Variants in SKIDA1 observed in about 807,000 individuals in gnomAD.
SKIDA1 encodes SKI/DACH domain-containing protein 1.
Under a neutral mutation model 51.4 loss-of-function variants are expected in SKIDA1, and 18 were observed. That is an observed-to-expected ratio of 0.35 (90% CI 0.24 to 0.52). The LOEUF (loss-of-function observed/expected upper bound fraction) is 0.52. SKIDA1 is among the 20% of genes least tolerant of loss of function. The pLI is 0.95. For missense variants in SKIDA1, 1,104 were observed against 1,180.6 expected, an observed-to-expected ratio of 0.94 and a Z score of 0.95; for synonymous variants, 579 against 500.5, an observed-to-expected ratio of 1.16 and a Z score of -2.09.
chr10:21,516,896 C>CGAAAATAAGCAGG lies in SKIDA1; in HGVS notation c.926_927insCCTGCTTATTTTC (p.Ala310LeufsTer133). On this transcript the variant is annotated frameshift_variant, in exon 4 of 4. Transcript: ENST00000449193. LOFTEE classifies it high-confidence loss of function. The surrounding 1 kb of genome is among the most constrained non-coding windows in gnomAD (Gnocchi z 5.7). ...CGGCGGCCGCCGCCGCCGCTGCCGC[C>CGAAAATAAGCAGG]GCCGCCGCCGCCGCCGCCGCCTTGG... The CGAAAATAAGCAGG allele has an allele frequency of 8.8e-7, 1 of 1,140,388 alleles. No homozygotes were observed. 70.6% of individuals were successfully genotyped at this position (1,140,388 alleles called of 1,614,324 possible). A position where few individuals can be genotyped will look rare whatever the true frequency, so the allele number is the denominator to read the frequency against.
rs71393903 is a variant in SKIDA1 at position 21,514,213 on chromosome 10, C to CAAAAAAAAAAAAAAAAAAAAAAAAAAAAA, written c.*882_*883insTTTTTTTTTTTTTTTTTTTTTTTTTTTTT. ...CTGGGCGACACAGCGAGACTCTCTC[C>CAAAAAAAAAAAAAAAAAAAAAAAAAAAAA]AAAAAAAAAAAAAAAAAAAAAAAGA... On this transcript the variant is annotated 3_prime_UTR_variant, in exon 4 of 4. Transcript: ENST00000449193. 1 of 60,174 alleles carries CAAAAAAAAAAAAAAAAAAAAAAAAAAAAA rather than the reference C, an allele frequency of 1.7e-5. No individual in the cohort carries two copies. The highest frequency in any genetic ancestry group is 2.8e-5 in the Non-Finnish European group (1 of 35,240). The allele number at this position is 60,174 out of a possible 1,614,324, so 3.7% of individuals were successfully genotyped here.
At chr10:21,523,970 ACAT>A (rs1469287932) in intron 1 of SKIDA1, 99 bp from the exon 2 acceptor site, 3 of 152,130 alleles carry the variant, frequency 2.0e-5, no homozygotes, top group African/African-American at 7.2e-5. Context: ...TCAGCAAATC[ACAT>A]CATAATCAGA....
In SKIDA1 at chr10:21,515,996, G is replaced by A. The variant is rs756445923; in HGVS notation, c.1827C>T (p.His609=). Residue 609 remains histidine (H), a synonymous_variant, in exon 4 of 4, where the codon CAC becomes CAT. Transcript: ENST00000449193. ...CAGCTATTGTGTTGTTATCTGCACA[G>A]TGTGTAGTAGGAGTTGTTTGTAGGC... The part of the protein sequence containing the change: ...RKCLQTTPTT[H]CADNNTIAAR... 6.2e-7 allele frequency: 1 copy of A among 1,614,058 alleles called. No individual in the cohort carries two copies. Among genetic ancestry groups the A allele is most frequent in the Non-Finnish European group, 8.5e-7 (1 of 1,179,900 alleles).
At chr10:21,523,977 A>C (rs532454626) in intron 1 of SKIDA1, 106 bp from the exon 2 acceptor site, 6 of 152,320 alleles carry the variant, frequency 3.9e-5, no homozygotes, top group Non-Finnish European at 5.9e-5. Flanking sequence ...ATCACATCAT[A>C]ATCAGATTTG....
In SKIDA1 at chr10:21,517,227, G is replaced by A. The variant is rs1441324591; in HGVS notation, c.596C>T (p.Pro199Leu). 6 of 1,461,080 alleles carry A rather than the reference G, an allele frequency of 4.1e-6. No individual in the cohort carries two copies. The highest frequency in any genetic ancestry group is 1.5e-5 in the African/African-American group (1 of 67,830). 90.5% of individuals were successfully genotyped at this position (1,461,080 alleles called of 1,614,324 possible). The part of the protein sequence containing the change: ...CKPPLNYETA[P>L]LQGNYVAFPS... ...GAAGGCGACGTAGTTTCCCTGGAGC[G>A]GGGCAGTTTCATAGTTTAGAGGGGG... Residue 199 changes from proline (P) to leucine (L), a missense_variant, in exon 4 of 4, where the codon CCG (proline) becomes CTG (leucine). Pro to Leu is a moderately conservative substitution (Grantham distance 98). This residue lies in a region of SKIDA1 where 938 missense variants were observed against 886.4 expected (regional missense o/e 1.06). Transcript: ENST00000449193. This position sits in a 1 kb window ranked among gnomAD's most constrained non-coding sequence, Gnocchi z 6.9.
rs766732030 is a variant in SKIDA1, at chr10:21,516,091, C to G, written c.1732G>C (p.Ala578Pro). 1 of 1,614,008 alleles carries G rather than the reference C, an allele frequency of 6.2e-7. No homozygotes were observed. Among genetic ancestry groups the G allele is most frequent in the Admixed American group, 1.7e-5 (1 of 60,018 alleles). ...TTTGTCTTTGGGCTAGGTGAAGAGG[C>G]CCCCTCTGCCAGGCAGTTAATTGTC... The part of the protein sequence containing the change: ...DLTINCLAEG[A>P]SSPSPKTNNA... The change falls in exon 4 of 4, where the codon GCC becomes CCC. Residue 578 changes from alanine (A) to proline (P), a missense_variant. By Grantham distance (27) the Ala-to-Pro change is conservative. Coordinates refer to ENST00000449193, the MANE Select transcript of SKIDA1 (RefSeq NM_207371.4). The surrounding 1 kb of genome is among the most constrained non-coding windows in gnomAD (Gnocchi z 5.7).
chr10:21,525,312 A>G (rs1003977677), intron 1 of SKIDA1, among the ~76,000 whole-genome samples: 7 of 152,196 alleles, frequency 4.6e-5, no homozygotes, highest in African/African-American at 1.7e-4. Context: ...CTGGGAAAGG[A>G]GAGGGATTCG....
rs1395427058 is a variant in SKIDA1, at chr10:21,517,136, G to A, written c.687C>T (p.Ala229=). 6.5e-6 allele frequency: 8 copies of A among 1,235,704 alleles called. No homozygotes were observed. The highest frequency in any genetic ancestry group is 7.1e-6 in the Non-Finnish European group (7 of 981,884). 76.5% of individuals were successfully genotyped at this position (1,235,704 alleles called of 1,614,324 possible). Reference sequence around the variant, plus strand: ...CGGCGGCGGCAGCAGCGGCGGCGGCGGCGGCGGCGGCGGCTGCCGGGTGTT... The same window carrying A: ...CGGCGGCGGCAGCAGCGGCGGCGGCAGCGGCGGCGGCGGCTGCCGGGTGTT... ...CSKHPAAAAA[A]AAAAAAAAAA... is the part of the protein sequence containing the mutation. Residue 229 remains alanine, a synonymous_variant, in exon 4 of 4, where the codon GCC becomes GCT. Transcript: ENST00000449193. The surrounding 1 kb of genome is among the most constrained non-coding windows in gnomAD (Gnocchi z 6.9).
rs1451276474 is a variant in SKIDA1 at position 21,515,566 on chromosome 10, G to C, written c.2257C>G (p.Gln753Glu). 3 of 1,613,886 alleles carry C rather than the reference G, an allele frequency of 1.9e-6. No individual in the cohort carries two copies. In the African/African-American group the frequency reaches 4.0e-5, roughly 22 times the overall value. ...KETPSLNPLA[Q>E]SQGLSCTLGS... Reference sequence around the variant, plus strand: ...AAAGTGCATGAAAGGCCCTGACTTTGAGCCAGTGGATTTAAGGAAGGAGTT... The same window carrying C: ...AAAGTGCATGAAAGGCCCTGACTTTCAGCCAGTGGATTTAAGGAAGGAGTT... The change falls in exon 4 of 4, where the codon CAA becomes GAA. Residue 753 changes from glutamine to glutamate, a missense_variant. Gln to Glu is a conservative substitution (Grantham distance 29, BLOSUM62 2). Coordinates refer to ENST00000449193, the MANE Select transcript of SKIDA1 (RefSeq NM_207371.4).
In SKIDA1 at chr10:21,515,936, T is replaced by G. The variant is rs1473903776; in HGVS notation, c.1887A>C (p.Glu629Asp). ...RFLNNDSSGA[E>D]ANSEKYSKIL... ...TTTTGGAATATTTTTCTGAATTTGC[T>G]TCTGCTCCTGAAGAATCATTATTTA... The change falls in exon 4 of 4, where the codon GAA becomes GAC. Residue 629 changes from glutamate to aspartate, a missense_variant. By Grantham distance (45) the Glu-to-Asp change is conservative. Around this residue, in one of 3 missense-constraint regions of SKIDA1, gnomAD observed 938 missense variants for 886.4 expected, o/e 1.06. Transcript: ENST00000449193. 1 of 1,614,062 alleles carries G rather than the reference T, an allele frequency of 6.2e-7. No homozygotes were observed. The highest frequency in any genetic ancestry group is 8.5e-7 in the Non-Finnish European group (1 of 1,179,894).
rs2131275515 is a variant in SKIDA1 at position 21,521,384 on chromosome 10, C to T, written c.-1837+5G>A. The stretch of plus-strand genomic sequence containing the variant: ...ATGCTTAAAGTTATGCAATAATTTA[C>T]TTACTTTGCCTGATGTGCAGATCCA... On this transcript the variant is annotated splice_donor_5th_base_variant and intron_variant, in intron 3 of 3. Transcript: ENST00000449193. The T allele has an allele frequency of 6.5e-6, 1 of 152,744 alleles. No individual in the cohort carries two copies. The highest frequency in any genetic ancestry group is 6.5e-5 in the Admixed American group (1 of 15,300). The allele number at this position is 152,744 out of a possible 1,614,324, so 9.5% of individuals were successfully genotyped here.
Position 21,515,409 on chromosome 10 carries a change from C to A in SKIDA1, c.2414G>T (p.Arg805Ile). 1 of 1,614,032 alleles carries A rather than the reference C, an allele frequency of 6.2e-7. No individual in the cohort carries two copies. Among genetic ancestry groups the A allele is most frequent in the East Asian group, 2.2e-5 (1 of 44,892 alleles). ...AGTTTTACCTGTAGGACGAGGGCTT[C>A]TAGCTGATTTCAAATTTGGTTTGAC... ...PPVKPNLKSA[R>I]SPRPTGKTET... is the part of the protein sequence containing the mutation. The change falls in exon 4 of 4, where the codon AGA (arginine) becomes ATA (isoleucine). Residue 805 changes from arginine to isoleucine, a missense_variant. This residue lies in a region of SKIDA1 where 112 missense variants were observed against 168.3 expected (regional missense o/e 0.67). Transcript: ENST00000449193.
At position 21,514,381 on chromosome 10, in the gene SKIDA1, G is replaced by C. The variant is rs373737806; in HGVS notation, c.*715C>G. 6.6e-6 allele frequency: 1 copy of C among 150,690 alleles called. No homozygotes were observed. The highest frequency in any genetic ancestry group is 1.9e-4 in the East Asian group (1 of 5,138). 9.3% of individuals were successfully genotyped at this position (150,690 alleles called of 1,614,324 possible). On this transcript the variant is annotated 3_prime_UTR_variant, in exon 4 of 4. Coordinates refer to ENST00000449193, the MANE Select transcript of SKIDA1 (RefSeq NM_207371.4). ...CTGTTGCAAAGGAGTGGCTTTAAAA[G>C]TAAAATCACACCCTTTACAAAAAAA...
Position 21,517,897 on chromosome 10 carries a change from A to C in SKIDA1, c.-75T>G. Reference sequence around the variant, plus strand: ...CATACATACACATGTATGTATGTTAATCCTCAGCCAGATGCTGCGTGTGTC... The same window carrying C: ...CATACATACACATGTATGTATGTTACTCCTCAGCCAGATGCTGCGTGTGTC... On this transcript the variant is annotated 5_prime_UTR_variant, in exon 4 of 4. Transcript: ENST00000449193. This position sits in a 1 kb window ranked among gnomAD's most constrained non-coding sequence, Gnocchi z 6.9. 7.6e-7 allele frequency: 1 copy of C among 1,315,108 alleles called. No individual in the cohort carries two copies. The highest frequency in any genetic ancestry group is 1.0e-6 in the Non-Finnish European group (1 of 973,656). 81.5% of individuals were successfully genotyped at this position (1,315,108 alleles called of 1,614,324 possible).
Position 21,514,213 on chromosome 10 carries a change from C to CAAAAAAAA in SKIDA1, c.*875_*882dup, listed in dbSNP as rs71393903. Reference sequence around the variant, plus strand: ...CTGGGCGACACAGCGAGACTCTCTCCAAAAAAAAAAAAAAAAAAAAAAAGA... The same window carrying CAAAAAAAA: ...CTGGGCGACACAGCGAGACTCTCTCCAAAAAAAAAAAAAAAAAAAAAAAAAAAAAAAGA... On this transcript the variant is annotated 3_prime_UTR_variant, in exon 4 of 4. Transcript: ENST00000449193. 1 of 60,172 alleles carries CAAAAAAAA rather than the reference C, an allele frequency of 1.7e-5. No homozygotes were observed. Among genetic ancestry groups the CAAAAAAAA allele is most frequent in the Non-Finnish European group, 2.8e-5 (1 of 35,238 alleles). 3.7% of individuals were successfully genotyped at this position (60,172 alleles called of 1,614,324 possible). A position where few individuals can be genotyped will look rare whatever the true frequency, so the allele number is the denominator to read the frequency against.
rs112207161 is a variant in SKIDA1, at chr10:21,516,537, CCCT to C, written c.1283_1285del (p.Glu428del). On this transcript the variant is annotated inframe_deletion, in exon 4 of 4. Coordinates refer to ENST00000449193, the MANE Select transcript of SKIDA1 (RefSeq NM_207371.4). This position sits in a 1 kb window ranked among gnomAD's most constrained non-coding sequence, Gnocchi z 5.7. ...ACTGGAATCCGAGGCCCCGCTGCCC[CCCT>C]CCTCCTCCTCTTCCTCCTCCTCCTC... is the stretch of plus-strand genomic sequence containing the variant. 1.1e-5 allele frequency: 16 copies of C among 1,489,350 alleles called. No individual in the cohort carries two copies. Among genetic ancestry groups the C allele is most frequent in the Admixed American group, 9.9e-5 (5 of 50,450 alleles). The allele number at this position is 1,489,350 out of a possible 1,614,324, so 92.3% of individuals were successfully genotyped here.
rs747320624 is a variant in SKIDA1, at chr10:21,515,637, G to A, written c.2186C>T (p.Ala729Val). 6.8e-6 allele frequency: 11 copies of A among 1,613,904 alleles called. No homozygotes were observed. The East Asian group carries it at 2.2e-4, about 33-fold the overall frequency. ...ACCTTCCTTGGCTGTGGTTAACAAG[G>A]CGTCCTCCTCTTTACTCTCAGTCAC... ...YSVTESKEED[A>V]LLTTAKEGFA... Residue 729 changes from alanine to valine, a missense_variant, in exon 4 of 4, where the codon GCC (alanine) becomes GTC (valine). Around this residue, in one of 3 missense-constraint regions of SKIDA1, gnomAD observed 938 missense variants for 886.4 expected, o/e 1.06. Coordinates refer to ENST00000449193, the MANE Select transcript of SKIDA1 (RefSeq NM_207371.4).
chr10:21,520,276 G>A (rs2032354886), intron 3 of SKIDA1, among the ~76,000 whole-genome samples: 1 of 152,124 alleles, frequency 6.6e-6, no homozygotes, highest in Admixed American at 6.5e-5. Context: ...CTATTACACC[G>A]TGTTTTTCTC....
At position 21,515,206 on chromosome 10, in the gene SKIDA1, T is replaced by C; in HGVS notation, c.2617A>G (p.Thr873Ala). 1 of 1,613,878 alleles carries C rather than the reference T, an allele frequency of 6.2e-7. No homozygotes were observed. Among genetic ancestry groups the C allele is most frequent in the Non-Finnish European group, 8.5e-7 (1 of 1,179,846 alleles). ...DLWPAYSLNT[T>A]KDSQTPHKAH... ...TTGTGAGGAGTTTGAGAATCCTTAG[T>C]GGTGTTTAAGGAATACGCCGGCCAC... Residue 873 changes from threonine (T) to alanine (A), a missense_variant, in exon 4 of 4, where the codon ACT (threonine) becomes GCT (alanine). Thr to Ala is a moderately conservative substitution (Grantham distance 58, BLOSUM62 0). Around this residue, in one of 3 missense-constraint regions of SKIDA1, gnomAD observed 112 missense variants for 168.3 expected, o/e 0.67. Coordinates refer to ENST00000449193, the MANE Select transcript of SKIDA1 (RefSeq NM_207371.4).
Sources: allele counts gnomAD v4.1 joint callset (sites outside exome capture counted in the v4.1 genomes callset), GRCh38; gene constraint gnomAD v4.1.1; regional missense constraint gnomAD v4.1.1; non-coding constraint Gnocchi (gnomAD v3.1); transcripts MANE v1.5; gene names NCBI Gene and HGNC (gene_info 2026-07-23, HGNC 2026-07-21).